The following RNF220 variants were observed in gnomAD, a reference collection of about 807,000 sequenced individuals.
RNF220 encodes ring finger protein 220, also known as E3 ubiquitin-protein ligase RNF220.
RNF220 carries 7 observed loss-of-function variants against 67.1 expected under a neutral mutation model. That is an observed-to-expected ratio of 0.10 (90% CI 0.06 to 0.20). RNF220 has a LOEUF of 0.20. RNF220 is among the 10% of genes least tolerant of loss of function. The pLI is 1.00. For missense variants in RNF220, 565 were observed against 740.3 expected, an observed-to-expected ratio of 0.76 and a Z score of 2.75; for synonymous variants, 270 against 283.2, an observed-to-expected ratio of 0.95 and a Z score of 0.47.
chr1:44,603,741 C>T (rs1355817272), intron 2 of RNF220, among the ~76,000 whole-genome samples: 1 of 152,094 alleles, frequency 6.6e-6, no homozygotes, highest in Admixed American at 6.5e-5. Flanking sequence ...TCTCATAGTC[C>T]TTGTTCCCTC....
Position 44,412,672 on chromosome 1 carries a change from T to C in RNF220, c.575T>C (p.Leu192Pro). ...AAGAAGATTTTTGCTGTCTCTGGCC[T>C]CATTTCTGATCGGGAAGCCTCATCT... ...TGKKIFAVSGLISDREASSSP... is the reference protein window; with the variant it reads ...TGKKIFAVSGPISDREASSSP... The change falls in exon 2 of 15, where the codon CTC becomes CCC. Residue 192 changes from leucine to proline, a missense_variant. Leu to Pro is a moderately conservative substitution (Grantham distance 98). Coordinates refer to ENST00000361799, the MANE Select transcript of RNF220 (RefSeq NM_018150.4). The surrounding 1 kb of genome is among the most constrained non-coding windows in gnomAD (Gnocchi z 5.3). 1.2e-6 allele frequency: 2 copies of C among 1,614,166 alleles called. No individual in the cohort carries two copies. Among genetic ancestry groups the C allele is most frequent in the Non-Finnish European group, 1.7e-6 (2 of 1,180,026 alleles).
chr1:44,597,209 T>C (rs1226173321), intron 2 of RNF220, among the ~76,000 whole-genome samples: 2 of 152,110 alleles, frequency 1.3e-5, no homozygotes, highest in African/African-American at 4.8e-5. Context: ...ATTATCTTCT[T>C]TTTATAGGTA....
chr1:44,520,980 C>G (rs1381089346), intron 2 of RNF220, among the ~76,000 whole-genome samples: 2 of 152,206 alleles, frequency 1.3e-5, no homozygotes, highest in African/African-American at 4.8e-5. Context: ...GCTGTAACCT[C>G]AAACTCCTGG....
chr1:44,603,369 C>T (rs1257752198), intron 2 of RNF220, among the ~76,000 whole-genome samples: 1 of 152,220 alleles, frequency 6.6e-6, no homozygotes, highest in African/African-American at 2.4e-5. Context: ...CTGCCCCCAC[C>T]TTGGCCCCGG....
At chr1:44,577,461 C>G (rs1171568782) in intron 2 of RNF220, among the ~76,000 whole-genome samples, 2 of 152,196 alleles carry the variant, frequency 1.3e-5, no homozygotes, top group East Asian at 3.8e-4. Context: ...CCTTAGTGCC[C>G]TTTATCACCA....
chr1:44,633,894 G>C (rs1418387552), intron 6 of RNF220, among the ~76,000 whole-genome samples: 1 of 152,230 alleles, frequency 6.6e-6, no homozygotes, highest in Non-Finnish European at 1.5e-5. Context: ...CTAAGTCTGA[G>C]ATTCCAAGAG....
intron 2 of RNF220, among the ~76,000 whole-genome samples, chr1:44,454,315 T>C (rs920098233): frequency 6.6e-6 from 1 of 152,218 alleles, no homozygotes; most frequent in Non-Finnish European, 1.5e-5. Context: ...CAGTTAATGT[T>C]CTACTCAGGT....
intron 2 of RNF220, among the ~76,000 whole-genome samples, chr1:44,508,833 T>G (rs1274951282): frequency 2.6e-5 from 4 of 152,220 alleles, no homozygotes; most frequent in Non-Finnish European, 5.9e-5. Flanking sequence ...AAGAACACTC[T>G]GTAGTTTGCA....
At chr1:44,635,932 A>T in intron 7 of RNF220, 98 bp from the exon 8 acceptor site, 1 of 1,577,514 alleles carries the variant, frequency 6.3e-7, no homozygotes, top group South Asian at 1.1e-5. Flanking sequence ...CCCACTTGGC[A>T]CACCACAGCT....
intron 2 of RNF220, among the ~76,000 whole-genome samples, chr1:44,572,837 C>T (rs1320046590): frequency 6.6e-6 from 1 of 152,048 alleles, no homozygotes; most frequent in African/African-American, 2.4e-5. Context: ...AAATGTTTGG[C>T]CCTATAATTT....
intron 2 of RNF220, among the ~76,000 whole-genome samples, chr1:44,561,621 G>C (rs1165720648): frequency 1.3e-5 from 2 of 152,162 alleles, no homozygotes; most frequent in Non-Finnish European, 2.9e-5. Context: ...AATAGTGTTA[G>C]TGAGCTAGCC....
chr1:44,471,336 G>A (rs534811076), intron 2 of RNF220, among the ~76,000 whole-genome samples: 64 of 152,318 alleles, frequency 4.2e-4, no homozygotes, highest in Non-Finnish European at 7.2e-4. Context: ...TGAGGCGGGA[G>A]AATCGCTTGA....
chr1:44,443,066 T>TA (rs1651726833), intron 2 of RNF220, among the ~76,000 whole-genome samples: 1 of 152,196 alleles, frequency 6.6e-6, no homozygotes, highest in African/African-American at 2.4e-5. Flanking sequence ...GAGACCTAGA[T>TA]ATTGAATCAT....
chr1:44,501,402 G>A (rs1251123287), intron 2 of RNF220, among the ~76,000 whole-genome samples: 1 of 152,126 alleles, frequency 6.6e-6, no homozygotes, highest in African/African-American at 2.4e-5. Flanking sequence ...TCTGCAGATA[G>A]AGTCCTGTTT....
intron 2 of RNF220, among the ~76,000 whole-genome samples, chr1:44,578,210 G>A (rs1353345256): frequency 7.0e-6 from 1 of 142,950 alleles, no homozygotes; most frequent in African/African-American, 2.6e-5. Context: ...GTGCAGTGGT[G>A]CAATCTTGGC....
At chr1:44,436,667 T>G (rs1034925197) in intron 2 of RNF220, among the ~76,000 whole-genome samples, 1 of 152,168 alleles carries the variant, frequency 6.6e-6, no homozygotes, top group Non-Finnish European at 1.5e-5. Context: ...GTCTTTTCCT[T>G]AGGACATCAA....
intron 2 of RNF220, among the ~76,000 whole-genome samples, chr1:44,430,699 C>T (rs762393049): frequency 2.0e-3 from 307 of 152,276 alleles, no homozygotes; most frequent in Non-Finnish European, 2.8e-3. Flanking sequence ...CGCCTGCCAC[C>T]ACACCTGGCT....
At chr1:44,432,600 A>G (rs932459130) in intron 2 of RNF220, among the ~76,000 whole-genome samples, 2 of 140,616 alleles carry the variant, frequency 1.4e-5, no homozygotes, top group East Asian at 2.2e-4. Context: ...GGGTCTTGCT[A>G]TGTTGCCCAG....
intron 2 of RNF220, among the ~76,000 whole-genome samples, chr1:44,518,066 C>T (rs891621814): frequency 1.3e-5 from 2 of 151,992 alleles, no homozygotes; most frequent in African/African-American, 4.8e-5. Context: ...GAGATCGTGC[C>T]ACTGCACTCC....
Sources: gnomAD v4.1 joint callset for allele counts (sites outside exome capture counted in the v4.1 genomes callset) on GRCh38, gnomAD v4.1.1 for gene constraint, Gnocchi (gnomAD v3.1) non-coding constraint, MANE v1.5 for transcripts, NCBI Gene and HGNC (gene_info 2026-07-23, HGNC 2026-07-21) for gene names.